Variants in GRM7 observed in about 807,000 individuals in gnomAD.
GRM7 encodes the protein metabotropic glutamate receptor 7.
Under a neutral mutation model 84.5 loss-of-function variants are expected in GRM7, and 35 were observed. The observed-to-expected ratio is 0.41, with a 90% CI of 0.32 to 0.55. The LOEUF (loss-of-function observed/expected upper bound fraction) is 0.55, where lower values mean the gene tolerates loss of function less well. Ranked by LOEUF, GRM7 falls within the 20% of genes least tolerant of loss-of-function variation. GRM7 has a pLI of 0.19. For missense variants in GRM7, 1,003 were observed against 1,194.6 expected (o/e 0.84, Z 2.36); for synonymous variants, 487 against 455.1 (o/e 1.07, Z -0.89).
intron 2 of GRM7, among the ~76,000 whole-genome samples, chr3:7,213,846 G>C (rs1188601303): frequency 6.6e-6 from 1 of 152,140 alleles, no homozygotes; most frequent in African/African-American, 2.4e-5. Flanking sequence ...GCAGCTGGGA[G>C]AGTTAGGGCC....
At chr3:7,192,849 G>C (rs545713645) in intron 2 of GRM7, among the ~76,000 whole-genome samples, 1 of 152,112 alleles carries the variant, frequency 6.6e-6, no homozygotes, top group East Asian at 1.9e-4. Flanking sequence ...AATGAGGCCT[G>C]TGCCTCTAAC....
intron 1 of GRM7, among the ~76,000 whole-genome samples, chr3:6,905,529 A>G (rs1015028246): frequency 6.6e-6 from 1 of 151,828 alleles, no homozygotes; most frequent in Non-Finnish European, 1.5e-5. Flanking sequence ...CATCTATAAA[A>G]TGACATTTCA....
chr3:6,966,841 C>G (rs1047807969), intron 1 of GRM7, among the ~76,000 whole-genome samples: 1 of 152,260 alleles, frequency 6.6e-6, no homozygotes, highest in East Asian at 1.9e-4. Flanking sequence ...GAGCAGATAT[C>G]TGGGAGTATA....
At chr3:7,044,726 C>T (rs1696740525) in intron 1 of GRM7, among the ~76,000 whole-genome samples, 1 of 151,962 alleles carries the variant, frequency 6.6e-6, no homozygotes, top group Admixed American at 6.6e-5. Context: ...TTCATCTCTT[C>T]ATTTAGTATT....
intron 8 of GRM7, among the ~76,000 whole-genome samples, chr3:7,664,556 A>G (rs1433269036): frequency 6.6e-6 from 1 of 152,230 alleles, no homozygotes; most frequent in Non-Finnish European, 1.5e-5. Context: ...ACATATGCAG[A>G]ACGTGCAGGT....
intron 2 of GRM7, among the ~76,000 whole-genome samples, chr3:7,295,555 G>C (rs1021457875): frequency 2.3e-4 from 35 of 152,170 alleles, no homozygotes; most frequent in Admixed American, 4.6e-4. Context: ...GTTTGCTCTA[G>C]ATAGCATTGA....
chr3:7,584,538 C>T (rs1017963220), intron 8 of GRM7, among the ~76,000 whole-genome samples: 2 of 152,160 alleles, frequency 1.3e-5, no homozygotes, highest in African/African-American at 4.8e-5. Flanking sequence ...CTCCTTGAAC[C>T]TATGAAGAGT....
chr3:7,504,889 C>T (rs1352082135), intron 7 of GRM7, among the ~76,000 whole-genome samples: 1 of 152,148 alleles, frequency 6.6e-6, no homozygotes, highest in Non-Finnish European at 1.5e-5. Context: ...CAGTCTTAAC[C>T]ATTCCAGTAT....
chr3:7,249,725 C>A (rs918332692), intron 2 of GRM7, among the ~76,000 whole-genome samples: 7 of 151,930 alleles, frequency 4.6e-5, no homozygotes, highest in African/African-American at 1.7e-4. Flanking sequence ...TGGAAATTAA[C>A]AAGAAATTAG....
intron 7 of GRM7, among the ~76,000 whole-genome samples, chr3:7,464,273 G>A (rs17656685): frequency 0.034 from 5,218 of 152,168 alleles, 130 homozygotes; most frequent in South Asian, 0.11. Context: ...GGCACTGTGT[G>A]GATGATGGCA....
intron 8 of GRM7, among the ~76,000 whole-genome samples, chr3:7,630,959 C>G (rs1575573895): frequency 6.6e-6 from 1 of 152,180 alleles, no homozygotes; most frequent in African/African-American, 2.4e-5. Context: ...TTTAAAAGTG[C>G]CAACTGTAAT....
At chr3:7,174,096 G>C (rs1324331974) in intron 2 of GRM7, among the ~76,000 whole-genome samples, 1 of 152,142 alleles carries the variant, frequency 6.6e-6, no homozygotes, top group East Asian at 1.9e-4. Flanking sequence ...TTTGAAGGGT[G>C]GCTAGTTTCT....
chr3:7,438,805 G>A (rs1697164413), intron 5 of GRM7, among the ~76,000 whole-genome samples: 1 of 152,100 alleles, frequency 6.6e-6, no homozygotes, highest in African/African-American at 2.4e-5. Flanking sequence ...GTAGAGAATG[G>A]TGCCAGATTC....
intron 9 of GRM7, among the ~76,000 whole-genome samples, chr3:7,723,659 G>A (rs567254109): frequency 1.6e-4 from 25 of 152,092 alleles, no homozygotes; most frequent in African/African-American, 2.7e-4. Context: ...CACGAGCCTC[G>A]GTAACATAAT....
intron 7 of GRM7, among the ~76,000 whole-genome samples, chr3:7,565,129 T>C (rs1452134934): frequency 6.6e-6 from 1 of 152,224 alleles, no homozygotes; most frequent in Non-Finnish European, 1.5e-5. Flanking sequence ...ACCAGAAAAC[T>C]GATGAGACTC....
intron 8 of GRM7, among the ~76,000 whole-genome samples, chr3:7,615,402 G>T (rs1012629176): frequency 1.3e-5 from 2 of 151,432 alleles, no homozygotes; most frequent in African/African-American, 4.9e-5. Context: ...TTCTGGTTTT[G>T]GTCATTTTCT....
intron 1 of GRM7, among the ~76,000 whole-genome samples, chr3:6,975,559 T>C (rs1693956305): frequency 6.6e-6 from 1 of 152,212 alleles, no homozygotes. Flanking sequence ...CATGACCCAC[T>C]AAACACACAA....
intron 8 of GRM7, among the ~76,000 whole-genome samples, chr3:7,636,016 A>G (rs1343375604): frequency 6.6e-6 from 1 of 152,228 alleles, no homozygotes; most frequent in African/African-American, 2.4e-5. Flanking sequence ...GCTTCAAAAA[A>G]GCACATCTAA....
intron 1 of GRM7, among the ~76,000 whole-genome samples, chr3:7,140,204 G>T (rs1448387746): frequency 6.6e-6 from 1 of 151,972 alleles, no homozygotes; most frequent in Non-Finnish European, 1.5e-5. Context: ...GGTGATAAAA[G>T]GTTTTGGATG....
Sources: gnomAD v4.1 joint callset for allele counts (sites outside exome capture counted in the v4.1 genomes callset) on GRCh38, gnomAD v4.1.1 for gene constraint, MANE v1.5 for transcripts, NCBI Gene and HGNC (gene_info 2026-07-23, HGNC 2026-07-21) for gene names.